The following SEC31A variants were observed in gnomAD, a reference collection of about 807,000 sequenced individuals.
The protein encoded by SEC31A is protein transport protein Sec31A.
SEC31A carries 70 observed loss-of-function variants against 151.0 expected under a neutral mutation model. The ratio of observed to expected loss-of-function variants is 0.46; its 90% confidence interval spans 0.38 to 0.57. SEC31A has a LOEUF of 0.57. Among genes scored for constraint, SEC31A ranks in the 20% least tolerant of loss-of-function variants. The pLI, the probability that SEC31A is intolerant of heterozygous loss-of-function variation, is 0.00. For missense variants in SEC31A, 1,330 were observed against 1,471.2 expected (o/e 0.90, Z 1.57); for synonymous variants, 475 against 505.9 (o/e 0.94, Z 0.82).
rs180742961 is a variant in SEC31A at position 82,868,624 on chromosome 4, A to G, written c.883-1308T>C. 1.4e-4 allele frequency among the ~76,000 whole-genome samples: 21 copies of G among 152,304 alleles called. No homozygotes were observed. In the East Asian group the frequency reaches 3.7e-3, roughly 27 times the overall value. On this transcript the variant is annotated intron_variant, in intron 8 of 26. Transcript: ENST00000395310. ...TATGGTGGTTAACTGCTACTCACAG[A>G]AGCAACATCTTAGGACTTTATGATA...
At chr4:82,861,578 G>T in intron 14 of SEC31A, 53 bp downstream of exon 14, 1 of 1,183,656 alleles carries the variant, frequency 8.4e-7, no homozygotes, top group Non-Finnish European at 1.2e-6. Flanking sequence ...TTTAATGTGA[G>T]ATACACAAAT....
chr4:82,827,255 TTAGGTTG>T, intron 24 of SEC31A, 107 bp downstream of exon 24: 1 of 1,216,578 alleles, frequency 8.2e-7, no homozygotes, highest in African/African-American at 1.5e-5. Flanking sequence ...TATTTTTTGT[TTAGGTTG>T]TCTAGATGTT....
chr4:82,819,193 A>G lies in SEC31A; in HGVS notation c.3544T>C (p.Tyr1182His). Residue 1182 changes from tyrosine to histidine, a missense_variant, in exon 27 of 27, where the codon TAC (tyrosine) becomes CAC (histidine). Transcript: ENST00000395310. ...GTATGCATGGTCAATCCTTCTGAGTAGTTTCGAGTTTCAATGCTCCTTGCA... is the reference window on the plus strand; with the variant it reads ...GTATGCATGGTCAATCCTTCTGAGTGGTTTCGAGTTTCAATGCTCCTTGCA... ...NIARSIETRN[Y>H]SEGLTMHTHI... 3 of 1,611,732 alleles carry G rather than the reference A, an allele frequency of 1.9e-6. No homozygotes were observed. The highest frequency in any genetic ancestry group is 2.5e-6 in the Non-Finnish European group (3 of 1,178,930).
At chr4:82,871,353 A>G in intron 7 of SEC31A, 1 of 1,520,518 alleles carries the variant, frequency 6.6e-7, no homozygotes, top group Non-Finnish European at 8.8e-7. Flanking sequence ...ACGTAGGTAC[A>G]GTAAAATGTT....
chr4:82,873,042 C>T lies in SEC31A; in HGVS notation c.640-956G>A, dbSNP rs558456677. The stretch of plus-strand genomic sequence containing the variant: ...CACATTTAAAATACTTTCAGAAAAA[C>T]GAAAAACAAAAAACAGATAAAAGAT... On this transcript the variant is annotated intron_variant, in intron 6 of 26. Transcript: ENST00000395310. 5.8e-4 allele frequency among the ~76,000 whole-genome samples: 88 copies of T among 151,926 alleles called. 1 individual carries two copies. The highest frequency in any genetic ancestry group is 3.4e-3 in the Middle Eastern group (1 of 294).
At position 82,879,371 on chromosome 4, in the gene SEC31A, GA is replaced by G. The variant is rs10629800; in HGVS notation, c.204-444del. ...GGGTCTCATGCTTTGACCTTTGTCT[GA>G]AAAAAAAAAAAAGGGGGGGTCACTA... On this transcript the variant is annotated intron_variant, in intron 3 of 26. Transcript: ENST00000395310. Among the ~76,000 whole-genome samples the G allele has an allele frequency of 1.8e-3, 261 of 143,576 alleles. 1 individual carries two copies. Among genetic ancestry groups the G allele is most frequent in the Middle Eastern group, 7.0e-3 (2 of 284 alleles). 94.2% of individuals were successfully genotyped at this position (143,576 alleles called of 152,430 possible). A position where few individuals can be genotyped will look rare whatever the true frequency, so the allele number is the denominator to read the frequency against.
upstream of SEC31A, among the ~76,000 whole-genome samples, chr4:82,891,743 A>G (rs549608589): frequency 3.0e-4 from 46 of 152,176 alleles, no homozygotes; most frequent in South Asian, 3.5e-3. Flanking sequence ...TCCAATTAGT[A>G]CCGTTTCATA....
intron 20 of SEC31A, among the ~76,000 whole-genome samples, chr4:82,847,341 C>T (rs1029431197): frequency 5.3e-5 from 8 of 152,212 alleles, no homozygotes; most frequent in African/African-American, 1.9e-4. Flanking sequence ...TCATTCAGTA[C>T]ATCTTAAGCT....
chr4:82,833,520 AAAGTT>A (rs1271786488), intron 22 of SEC31A, among the ~76,000 whole-genome samples: 6 of 123,448 alleles, frequency 4.9e-5, no homozygotes, highest in African/African-American at 1.3e-4. Flanking sequence ...ATGTAACCCA[AAAGTT>A]AAATTATAAA....
intron 1 of SEC31A, among the ~76,000 whole-genome samples, chr4:82,886,978 G>T (rs1032651432): frequency 6.6e-6 from 1 of 151,990 alleles, no homozygotes; most frequent in Non-Finnish European, 1.5e-5. Context: ...AGAAAGTTTT[G>T]ATTTATTTTA....
intron 25 of SEC31A, among the ~76,000 whole-genome samples, chr4:82,824,344 C>T (rs1033316277): frequency 6.6e-6 from 1 of 152,112 alleles, no homozygotes; most frequent in African/African-American, 2.4e-5. Flanking sequence ...GCTGGGACTA[C>T]AGGTGTATTC....
At chr4:82,849,105 T>C (rs1730858033) in intron 19 of SEC31A, 128 bp from the exon 20 acceptor site, 13 of 798,716 alleles carry the variant, frequency 1.6e-5, no homozygotes, top group East Asian at 2.7e-5. Flanking sequence ...TATTATACAA[T>C]AGACCCTGAC....
chr4:82,858,903 G>A (rs1042329314), intron 14 of SEC31A, among the ~76,000 whole-genome samples: 9 of 151,848 alleles, frequency 5.9e-5, no homozygotes, highest in Admixed American at 5.2e-4. Flanking sequence ...GGGTTTCACT[G>A]TGTTAGCCAG....
Position 82,863,404 on chromosome 4 carries a change from A to G in SEC31A, c.1435-12T>C. 1 of 1,523,742 alleles carries G rather than the reference A, an allele frequency of 6.6e-7. No individual in the cohort carries two copies. The allele number at this position is 1,523,742 out of a possible 1,614,324, so 94.4% of individuals were successfully genotyped here. On this transcript the variant is annotated splice_polypyrimidine_tract_variant and intron_variant, in intron 11 of 26. Coordinates refer to ENST00000395310, the MANE Select transcript of SEC31A (RefSeq NM_001077207.4). ...TCCTCAAAGTTTACCTTTAAAAAAA[A>G]AGACATATTCTTAAAACAAAGACCT... is the stretch of plus-strand genomic sequence containing the variant.
At chr4:82,883,707 T>C (rs1038702411) in intron 1 of SEC31A, among the ~76,000 whole-genome samples, 2 of 151,878 alleles carry the variant, frequency 1.3e-5, no homozygotes, top group Non-Finnish European at 2.9e-5. Flanking sequence ...TGCACGCCTG[T>C]AGTCCCAGCT....
chr4:82,820,210 C>A (rs911833461), intron 26 of SEC31A, among the ~76,000 whole-genome samples: 5 of 138,452 alleles, frequency 3.6e-5, no homozygotes, highest in African/African-American at 1.3e-4. Flanking sequence ...CTCCAGTGAT[C>A]CTCCCGCATC....
upstream of SEC31A, chr4:82,895,456 T>A (rs1400169768): frequency 6.6e-6 from 1 of 152,146 alleles, no homozygotes; most frequent in South Asian, 2.1e-4. Flanking sequence ...GGCAACAGAG[T>A]GAGACTGTCA....
At chr4:82,841,901 G>C (rs1728975834) in intron 22 of SEC31A, among the ~76,000 whole-genome samples, 1 of 151,890 alleles carries the variant, frequency 6.6e-6, no homozygotes, top group African/African-American at 2.4e-5. Context: ...GAACCCGGAA[G>C]GCAGAGGTTG....
At chr4:82,842,786 GAGACAAC>G (rs1473855975) in intron 21 of SEC31A, 1 of 265,834 alleles carries the variant, frequency 3.8e-6, no homozygotes, top group East Asian at 8.4e-5. Flanking sequence ...ATCCTGTGAA[GAGACAAC>G]AGTGACCACC....
Sources: allele counts gnomAD v4.1 joint callset (sites outside exome capture counted in the v4.1 genomes callset), GRCh38; gene constraint gnomAD v4.1.1; transcripts MANE v1.5; gene names NCBI Gene and HGNC (gene_info 2026-07-23, HGNC 2026-07-21).